RANBP2: variants seen among roughly 807,000 people sequenced by gnomAD.
The protein encoded by RANBP2 is RAN binding protein 2, also known as E3 SUMO-protein ligase RanBP2.
Under a neutral mutation model 303.6 loss-of-function variants are expected in RANBP2, and 57 were observed. The ratio of observed to expected loss-of-function variants is 0.19; its 90% CI spans 0.15 to 0.23. The LOEUF (loss-of-function observed/expected upper bound fraction) is 0.23. RANBP2 is among the 10% of genes least tolerant of loss of function. The pLI is 1.00. For missense variants in RANBP2, 3,138 were observed against 3,780.8 expected (o/e 0.83, Z 4.46); for synonymous variants, 1,167 against 1,301.5 (o/e 0.90, Z 2.23).
chr2:109,343,290 C>A, the RANBP2 span, among the ~76,000 whole-genome samples: 1 of 152,202 alleles, frequency 6.6e-6, no homozygotes, highest in African/African-American at 2.4e-5. Flanking sequence ...CCCATGTGAG[C>A]ATTTCCTGAT....
chr2:109,018,793 T>G, the RANBP2 span, among the ~76,000 whole-genome samples: 1 of 152,266 alleles, frequency 6.6e-6, no homozygotes, highest in Non-Finnish European at 1.5e-5. Context: ...GGTTCCCTGC[T>G]GAGAGCACGT....
the RANBP2 span, among the ~76,000 whole-genome samples, chr2:109,584,035 G>C: frequency 6.6e-6 from 1 of 152,092 alleles, no homozygotes; most frequent in African/African-American, 2.4e-5. Context: ...CTAACTATTG[G>C]TACTATGCTC....
At chr2:108,986,123 G>A in the RANBP2 span, among the ~76,000 whole-genome samples, 29,917 of 152,112 alleles carry the variant, frequency 0.2, 3,134 homozygotes, top group Middle Eastern at 0.27. Flanking sequence ...TCAGGGGCCA[G>A]TGGGCTGTTG....
chr2:108,970,886 T>C, the RANBP2 span, among the ~76,000 whole-genome samples: 5 of 152,270 alleles, frequency 3.3e-5, no homozygotes, highest in South Asian at 1.0e-3. Context: ...ACTGAACAAA[T>C]ACAAGTGATA....
the RANBP2 span, among the ~76,000 whole-genome samples, chr2:108,986,864 A>G: frequency 1.3e-5 from 2 of 152,222 alleles, no homozygotes; most frequent in Non-Finnish European, 2.9e-5. Flanking sequence ...TACTCACAGG[A>G]AAGGCTGGCT....
the RANBP2 span, among the ~76,000 whole-genome samples, chr2:108,795,267 G>A: frequency 7.0e-6 from 1 of 142,062 alleles, no homozygotes; most frequent in Non-Finnish European, 1.5e-5. Context: ...TGATTCTCCT[G>A]CCTCAGCCTC....
chr2:109,410,574 G>A, the RANBP2 span, among the ~76,000 whole-genome samples: 1 of 152,252 alleles, frequency 6.6e-6, no homozygotes, highest in Non-Finnish European at 1.5e-5. Context: ...CTCACAGGCT[G>A]TGTTGTTGAG....
chr2:109,330,039 A>G, the RANBP2 span, among the ~76,000 whole-genome samples: 1 of 152,230 alleles, frequency 6.6e-6, no homozygotes, highest in Non-Finnish European at 1.5e-5. Flanking sequence ...CTTACAAAAC[A>G]TTGAATTTCA....
At chr2:109,517,726 G>A in the RANBP2 span, among the ~76,000 whole-genome samples, 1 of 152,168 alleles carries the variant, frequency 6.6e-6, no homozygotes, top group Non-Finnish European at 1.5e-5. Flanking sequence ...CCACAGGGCT[G>A]GGTGGGTGTC....
the RANBP2 span, among the ~76,000 whole-genome samples, chr2:109,343,085 C>G: frequency 5.6e-3 from 860 of 152,278 alleles, 1 homozygote; most frequent in Non-Finnish European, 8.9e-3. Flanking sequence ...CAAACAGGCT[C>G]TGGAGCAGCT....
At chr2:109,267,382 A>G in the RANBP2 span, among the ~76,000 whole-genome samples, 1 of 152,196 alleles carries the variant, frequency 6.6e-6, no homozygotes, top group Admixed American at 6.5e-5. Context: ...TGCGCTTTGT[A>G]CAAGTGCTGA....
At chr2:109,287,273 T>A in the RANBP2 span, among the ~76,000 whole-genome samples, 3 of 152,184 alleles carry the variant, frequency 2.0e-5, no homozygotes, top group Admixed American at 6.5e-5. Context: ...TGTGTAGTGT[T>A]TTGTGGTCAC....
the RANBP2 span, among the ~76,000 whole-genome samples, chr2:108,941,141 G>A: frequency 5.3e-5 from 8 of 152,214 alleles, no homozygotes; most frequent in African/African-American, 1.9e-4. Context: ...TACCTGTGAT[G>A]CGTCTGCGTT....
chr2:109,009,136 A>C, the RANBP2 span, among the ~76,000 whole-genome samples: 1 of 151,410 alleles, frequency 6.6e-6, no homozygotes, highest in Admixed American at 6.6e-5. Flanking sequence ...TCAGGAGATC[A>C]AGACCATCCT....
At chr2:109,200,916 G>GT in the RANBP2 span, among the ~76,000 whole-genome samples, 25 of 152,252 alleles carry the variant, frequency 1.6e-4, no homozygotes, top group African/African-American at 5.8e-4. Context: ...TGGGCCCTGG[G>GT]TGCTGTTGGG....
the RANBP2 span, among the ~76,000 whole-genome samples, chr2:109,384,889 T>C: frequency 6.6e-6 from 1 of 152,288 alleles, no homozygotes; most frequent in Admixed American, 6.5e-5. Flanking sequence ...CCACAGTTCA[T>C]TCTCACACAG....
chr2:108,937,598 G>A, the RANBP2 span, among the ~76,000 whole-genome samples: 1 of 144,106 alleles, frequency 6.9e-6, no homozygotes, highest in Non-Finnish European at 1.5e-5. Flanking sequence ...ATTTGTATAT[G>A]AGTGTGTGTA....
the RANBP2 span, among the ~76,000 whole-genome samples, chr2:109,628,500 T>TAATAAATAAATA: frequency 5.7e-4 from 84 of 146,926 alleles, no homozygotes; most frequent in African/African-American, 1.1e-3. Context: ...TCTCAAAAAA[T>TAATAAATAAATA]AATAAATAAA....
chr2:109,117,746 A>G, the RANBP2 span, among the ~76,000 whole-genome samples: 207 of 152,344 alleles, frequency 1.4e-3, no homozygotes, highest in Non-Finnish European at 2.6e-3. Flanking sequence ...TGGGAGCTGT[A>G]GACGGGAGCT....
Sources: allele counts gnomAD v4.1 joint callset (sites outside exome capture counted in the v4.1 genomes callset), GRCh38; gene constraint gnomAD v4.1.1; transcripts MANE v1.5; gene names NCBI Gene and HGNC (gene_info 2026-07-23, HGNC 2026-07-21).